IL1RAPL2: variants seen among roughly 807,000 people sequenced by gnomAD.
IL1RAPL2 encodes the protein X-linked interleukin-1 receptor accessory protein-like 2.
Under a neutral mutation model 44.1 loss-of-function variants are expected in IL1RAPL2, and 3 were observed. That is an observed-to-expected ratio of 0.07 (90% confidence interval 0.03 to 0.18). The LOEUF (loss-of-function observed/expected upper bound fraction) is 0.18, where lower values mean the gene tolerates loss of function less well. Among genes scored for constraint, IL1RAPL2 ranks in the 10% least tolerant of loss-of-function variants. The probability of loss-of-function intolerance (pLI) is 1.00; values close to 1 mark genes in which losing one functional copy is unlikely to be tolerated. For missense variants in IL1RAPL2, 391 were observed against 496.4 expected (o/e 0.79, Z 2.02); for synonymous variants, 181 against 178.8 (o/e 1.01, Z -0.10).
At chrX:105,031,250 A>G (rs756425923) in intron 2 of IL1RAPL2, among the ~76,000 whole-genome samples, 53 of 106,635 alleles carry the variant, frequency 5.0e-4, no homozygotes, top group African/African-American at 1.6e-3. Context: ...TCTCCTGCCT[A>G]ATTGCCCTGG....
At chrX:104,618,004 T>C (rs147028148) in intron 1 of IL1RAPL2, among the ~76,000 whole-genome samples, 3,176 of 111,877 alleles carry the variant, frequency 0.028, 129 homozygotes, top group African/African-American at 0.098. Context: ...TTCATGCAGG[T>C]AGGATTTCTT....
intron 6 of IL1RAPL2, among the ~76,000 whole-genome samples, chrX:105,627,136 A>G (rs1011011356): frequency 1.8e-5 from 2 of 112,141 alleles, no homozygotes; most frequent in Non-Finnish European, 1.9e-5. Context: ...CCTTTGGAAA[A>G]TCTTATAACT....
At chrX:105,300,516 A>T (rs777366498) in intron 5 of IL1RAPL2, among the ~76,000 whole-genome samples, 1 of 110,930 alleles carries the variant, frequency 9.0e-6, no homozygotes, top group African/African-American at 3.3e-5. Flanking sequence ...CCAGGCCCCA[A>T]CTCCAACACT....
chrX:105,459,496 A>C (rs1472709752), intron 5 of IL1RAPL2, among the ~76,000 whole-genome samples: 1 of 111,031 alleles, frequency 9.0e-6, no homozygotes, highest in Non-Finnish European at 1.9e-5. Flanking sequence ...TTATATTTTC[A>C]TCCATACATC....
chrX:104,975,641 C>G (rs2030318445), intron 2 of IL1RAPL2, among the ~76,000 whole-genome samples: 1 of 112,454 alleles, frequency 8.9e-6, no homozygotes, highest in Non-Finnish European at 1.9e-5. Flanking sequence ...AAAGCCAAAT[C>G]ACACATAGAA....
chrX:105,099,202 G>A (rs751205392), intron 2 of IL1RAPL2, among the ~76,000 whole-genome samples: 2 of 111,825 alleles, frequency 1.8e-5, no homozygotes, highest in East Asian at 5.6e-4. Flanking sequence ...GTGCTACAAA[G>A]AAGTATACAG....
At chrX:105,573,438 G>A (rs1569455290) in intron 6 of IL1RAPL2, among the ~76,000 whole-genome samples, 2 of 111,233 alleles carry the variant, frequency 1.8e-5, no homozygotes, top group East Asian at 5.7e-4. Context: ...AGATCAATTA[G>A]GAAAGTATTG....
At chrX:105,474,234 A>G (rs2147771824) in intron 5 of IL1RAPL2, among the ~76,000 whole-genome samples, 1 of 111,590 alleles carries the variant, frequency 9.0e-6, no homozygotes, top group African/African-American at 3.3e-5. Context: ...ATGGCCAAGC[A>G]CCAATGAATG....
At chrX:104,710,667 T>C (rs1333157114) in intron 2 of IL1RAPL2, among the ~76,000 whole-genome samples, 3 of 111,248 alleles carry the variant, frequency 2.7e-5, no homozygotes, top group Admixed American at 1.9e-4. Flanking sequence ...CATATACTCA[T>C]TTGCTGCGTA....
chrX:105,734,038 C>T (rs184548986), intron 7 of IL1RAPL2, among the ~76,000 whole-genome samples: 113 of 111,271 alleles, frequency 1.0e-3, no homozygotes, highest in Non-Finnish European at 1.6e-3. Context: ...GTGTCAGAGG[C>T]TGAAATTCCC....
At chrX:104,822,584 C>T (rs984115765) in intron 2 of IL1RAPL2, among the ~76,000 whole-genome samples, 4 of 111,811 alleles carry the variant, frequency 3.6e-5, no homozygotes, top group Non-Finnish European at 7.5e-5. Context: ...TTTCTGAGGA[C>T]TCAGTTCTGT....
intron 5 of IL1RAPL2, among the ~76,000 whole-genome samples, chrX:105,463,326 A>T (rs932386945): frequency 1.4e-4 from 16 of 111,026 alleles, no homozygotes; most frequent in Non-Finnish European, 2.6e-4. Context: ...CCTGCTCATA[A>T]AGACAAGGAT....
At chrX:104,782,275 G>T (rs1932778972) in intron 2 of IL1RAPL2, among the ~76,000 whole-genome samples, 1 of 110,931 alleles carries the variant, frequency 9.0e-6, no homozygotes, top group Admixed American at 9.7e-5. Context: ...AGTGTCTGGT[G>T]TTATTTATCA....
At chrX:104,726,785 A>G (rs1282581779) in intron 2 of IL1RAPL2, among the ~76,000 whole-genome samples, 1 of 110,788 alleles carries the variant, frequency 9.0e-6, no homozygotes, top group Non-Finnish European at 1.9e-5. Flanking sequence ...TTTTTATACC[A>G]TTACCATGCT....
intron 2 of IL1RAPL2, among the ~76,000 whole-genome samples, chrX:105,002,688 A>G (rs1278676443): frequency 9.2e-6 from 1 of 108,409 alleles, no homozygotes; most frequent in Non-Finnish European, 1.9e-5. Flanking sequence ...CCCCCCTAAT[A>G]TACCCCCACA....
intron 5 of IL1RAPL2, among the ~76,000 whole-genome samples, chrX:105,394,543 C>T (rs749663074): frequency 1.1e-4 from 12 of 110,987 alleles, no homozygotes; most frequent in Non-Finnish European, 2.1e-4. Flanking sequence ...CTCCCATGTT[C>T]AGTCTTTCTC....
At chrX:105,388,034 A>G (rs1235126934) in intron 5 of IL1RAPL2, among the ~76,000 whole-genome samples, 1 of 105,574 alleles carries the variant, frequency 9.5e-6, no homozygotes, top group Admixed American at 1.0e-4. Context: ...TGTGATCCCA[A>G]CTACTAGGGA....
At chrX:104,711,122 C>A (rs1487001424) in intron 2 of IL1RAPL2, among the ~76,000 whole-genome samples, 1 of 111,315 alleles carries the variant, frequency 9.0e-6, no homozygotes, top group Non-Finnish European at 1.9e-5. Context: ...CAAATACTGA[C>A]CTTTGTGTTA....
At chrX:105,536,538 A>G (rs921265980) in intron 6 of IL1RAPL2, among the ~76,000 whole-genome samples, 7 of 110,802 alleles carry the variant, frequency 6.3e-5, no homozygotes, top group African/African-American at 2.3e-4. Context: ...TGGTGGTACT[A>G]TTTCACAAAG....
Sources: gnomAD v4.1 joint callset for allele counts (sites outside exome capture counted in the v4.1 genomes callset) on GRCh38, gnomAD v4.1.1 for gene constraint, MANE v1.5 for transcripts, NCBI Gene and HGNC (gene_info 2026-07-23, HGNC 2026-07-21) for gene names.